The following KIRREL1 variants were observed in gnomAD, a reference collection of about 807,000 sequenced individuals.
KIRREL1 encodes kirre like nephrin family adhesion molecule 1, also known as kin of IRRE-like protein 1.
KIRREL1 carries 25 observed loss-of-function variants against 83.3 expected under a neutral mutation model. The ratio of observed to expected loss-of-function variants is 0.30; its 90% CI spans 0.22 to 0.42. The LOEUF (loss-of-function observed/expected upper bound fraction) is 0.42, where lower values mean the gene tolerates loss of function less well. KIRREL1 is among the 10% of genes least tolerant of loss of function. KIRREL1 has a pLI of 1.00. For missense variants in KIRREL1, 812 were observed against 1,032.3 expected (o/e 0.79, Z 2.92); for synonymous variants, 388 against 410.4 (o/e 0.95, Z 0.66).
intron 1 of KIRREL1, among the ~76,000 whole-genome samples, chr1:158,020,937 A>AC (rs1254745485): frequency 1.2e-4 from 18 of 152,284 alleles, no homozygotes; most frequent in African/African-American, 4.3e-4. Context: ...TGATGGGACC[A>AC]CCTTACAGGG....
intron 5 of KIRREL1, 91 bp downstream of exon 5, chr1:158,086,837 A>G: frequency 2.5e-6 from 3 of 1,217,128 alleles, no homozygotes; most frequent in East Asian, 5.1e-5. Flanking sequence ...AACACAAACT[A>G]AGAGTCCCCC....
chr1:158,028,142 C>T (rs985143118), intron 1 of KIRREL1, among the ~76,000 whole-genome samples: 3 of 152,150 alleles, frequency 2.0e-5, no homozygotes, highest in Non-Finnish European at 1.5e-5. Context: ...CTGTCTCTGC[C>T]GGAATGCCGT....
Position 158,084,481 on chromosome 1 carries a change from C to T in KIRREL1, c.412C>T (p.Pro138Ser). ...TGTGATTCTACTGCAGGCAGGCACC[C>T]CCCACAACCTCACATGCCGGGCCTT... is the stretch of plus-strand genomic sequence containing the variant. ...GPVILLQAGT[P>S]HNLTCRAFNA... Residue 138 changes from proline to serine, a missense_variant, in exon 4 of 15, where the codon CCC becomes TCC. Around this residue, in one of 3 missense-constraint regions of KIRREL1, gnomAD observed 472 missense variants for 626.8 expected, o/e 0.75. Coordinates refer to ENST00000359209, the MANE Select transcript of KIRREL1 (RefSeq NM_018240.7). 6.4e-6 allele frequency: 10 copies of T among 1,551,818 alleles called. No individual in the cohort carries two copies. The highest frequency in any genetic ancestry group is 8.7e-6 in the Non-Finnish European group (10 of 1,147,018).
intron 1 of KIRREL1, among the ~76,000 whole-genome samples, chr1:158,005,940 C>T (rs1659507269): frequency 6.6e-6 from 1 of 152,108 alleles, no homozygotes; most frequent in Non-Finnish European, 1.5e-5. Context: ...GAAGCCTGGT[C>T]CTTATACTTA....
intron 4 of KIRREL1, 99 bp downstream of exon 4, chr1:158,084,678 A>C: frequency 7.8e-7 from 1 of 1,274,500 alleles, no homozygotes; most frequent in Non-Finnish European, 1.1e-6. Flanking sequence ...GCACACAGAC[A>C]TGAGAGGGGT....
intron 1 of KIRREL1, among the ~76,000 whole-genome samples, chr1:158,034,847 A>G: frequency 6.6e-6 from 1 of 152,234 alleles, no homozygotes; most frequent in East Asian, 1.9e-4. Flanking sequence ...TCTAGTTATT[A>G]CTGAAAAATC....
intron 1 of KIRREL1, among the ~76,000 whole-genome samples, chr1:158,010,981 A>T (rs376903417): frequency 6.6e-6 from 1 of 152,164 alleles, no homozygotes; most frequent in Non-Finnish European, 1.5e-5. Context: ...TAATCATCTC[A>T]GAGGCTGACC....
At chr1:158,080,612 G>A (rs1434210711) in intron 3 of KIRREL1, among the ~76,000 whole-genome samples, 7 of 152,118 alleles carry the variant, frequency 4.6e-5, no homozygotes, top group Non-Finnish European at 8.8e-5. Context: ...AGACAGGGAC[G>A]GTTAGTGCAG....
rs756591173 is a variant in KIRREL1, at chr1:158,094,839, C to T, written c.1993C>T (p.Pro665Ser). ...CCCTGCCTCTGACTATGGCCCTGAG[C>T]CCACACCCCCTGGCCCTGCTGCCCC... Reference protein sequence around the residue: ...RGPASDYGPEPTPPGPAAPAG... With the variant: ...RGPASDYGPESTPPGPAAPAG... The change falls in exon 15 of 15, where the codon CCC (proline) becomes TCC (serine). Residue 665 changes from proline to serine, a missense_variant. This residue lies in a region of KIRREL1 where 334 missense variants were observed against 383.7 expected (regional missense o/e 0.87). Coordinates refer to ENST00000359209, the MANE Select transcript of KIRREL1 (RefSeq NM_018240.7). This position sits in a 1 kb window ranked among gnomAD's most constrained non-coding sequence, Gnocchi z 4.6. The T allele has an allele frequency of 6.2e-7, 1 of 1,613,898 alleles. No individual in the cohort carries two copies. The highest frequency in any genetic ancestry group is 8.5e-7 in the Non-Finnish European group (1 of 1,179,926).
chr1:158,019,873 G>T (rs982668965), intron 1 of KIRREL1, among the ~76,000 whole-genome samples: 5 of 152,086 alleles, frequency 3.3e-5, no homozygotes, highest in Non-Finnish European at 7.3e-5. Context: ...TAACACCCCC[G>T]ACCCCGGTAA....
intron 1 of KIRREL1, among the ~76,000 whole-genome samples, chr1:158,054,178 A>C (rs535474189): frequency 3.8e-5 from 5 of 130,812 alleles, no homozygotes; most frequent in Non-Finnish European, 6.2e-5. Flanking sequence ...GTGTCACTGC[A>C]TTCCAGTCTC....
At chr1:158,010,370 AGTCCTGAGAATGT>A (rs1659644202) in intron 1 of KIRREL1, among the ~76,000 whole-genome samples, 1 of 106,870 alleles carries the variant, frequency 9.4e-6, no homozygotes, top group Non-Finnish European at 1.9e-5. Context: ...CACCCCACAC[AGTCCTGAGAATGT>A]CACACACATG....
chr1:158,016,303 CAA>C (rs10710009), intron 1 of KIRREL1, among the ~76,000 whole-genome samples: 88 of 144,934 alleles, frequency 6.1e-4, no homozygotes, highest in Middle Eastern at 3.5e-3. Flanking sequence ...GACTCTGTCT[CAA>C]AAAAAAAAAA....
chr1:158,089,684 T>TAACCAGTTAAA, intron 9 of KIRREL1, 34 bp from the exon 10 acceptor site: 1 of 1,614,124 alleles, frequency 6.2e-7, no homozygotes, highest in Non-Finnish European at 8.5e-7. Flanking sequence ...CTGCAGTTTT[T>TAACCAGTTAAA]AACTGGTTCT....
rs1659948686 is a variant in KIRREL1 at position 158,019,747 on chromosome 1, A to T, written c.52+26019A>T. ...AGCTTAACCGCAGAGCAAGAGAAAG[A>T]GGCAGGAGAGGCAGAGAACTGCCTT... On this transcript the variant is annotated intron_variant, in intron 1 of 14. Transcript: ENST00000359209. Among the ~76,000 whole-genome samples the T allele has an allele frequency of 2.6e-5, 4 of 152,168 alleles. No homozygotes were observed. In the South Asian group the frequency reaches 6.2e-4, roughly 24 times the overall value.
chr1:158,084,377 T>C, intron 3 of KIRREL1, 45 bp from the exon 4 acceptor site: 1 of 1,510,752 alleles, frequency 6.6e-7, no homozygotes, highest in Non-Finnish European at 8.9e-7. Context: ...TTCAGGGAAG[T>C]GTTAGCCACA....
At chr1:158,016,297 CTG>C (rs2101645264) in intron 1 of KIRREL1, among the ~76,000 whole-genome samples, 1 of 60,166 alleles carries the variant, frequency 1.7e-5, no homozygotes. Context: ...GAGCGAGACT[CTG>C]TCTCAAAAAA....
At chr1:158,054,273 CTG>C (rs1558004753) in intron 1 of KIRREL1, among the ~76,000 whole-genome samples, 1 of 146,636 alleles carries the variant, frequency 6.8e-6, no homozygotes, top group Non-Finnish European at 1.5e-5. Flanking sequence ...TGGGTTGAGA[CTG>C]AGGGTGGGTG....
At chr1:158,029,642 A>C (rs971918457) in intron 1 of KIRREL1, among the ~76,000 whole-genome samples, 6 of 152,202 alleles carry the variant, frequency 3.9e-5, no homozygotes, top group African/African-American at 1.2e-4. Flanking sequence ...GAGCACCTGT[A>C]ATATAGGAGA....
Sources: gnomAD v4.1 joint callset for allele counts (sites outside exome capture counted in the v4.1 genomes callset) on GRCh38, gnomAD v4.1.1 for gene constraint, gnomAD v4.1.1 regional missense constraint, Gnocchi (gnomAD v3.1) non-coding constraint, MANE v1.5 for transcripts, NCBI Gene and HGNC (gene_info 2026-07-23, HGNC 2026-07-21) for gene names.